Variants in PRKCQ observed in about 807,000 individuals in gnomAD.
PRKCQ encodes the protein protein kinase C theta, also known as protein kinase C theta type.
PRKCQ carries 41 observed loss-of-function variants against 91.2 expected under a neutral mutation model. The ratio of observed to expected loss-of-function variants is 0.45; its 90% CI spans 0.35 to 0.58. PRKCQ has a LOEUF of 0.58. PRKCQ is among the 20% of genes least tolerant of loss of function. PRKCQ has a pLI of 0.00. For missense variants in PRKCQ, 673 were observed against 896.5 expected (o/e 0.75, Z 3.18); for synonymous variants, 307 against 316.9 (o/e 0.97, Z 0.33).
chr10:6,416,582 A>G, the PRKCQ span, among the ~76,000 whole-genome samples: 1 of 152,208 alleles, frequency 6.6e-6, no homozygotes, highest in African/African-American at 2.4e-5. Flanking sequence ...TATGGTGTAT[A>G]TAGACCACAT....
intron 1 of PRKCQ, among the ~76,000 whole-genome samples, chr10:6,552,698 C>T (rs369460324): frequency 1.3e-5 from 2 of 152,218 alleles, no homozygotes; most frequent in African/African-American, 2.4e-5. Flanking sequence ...AACTCCTGAC[C>T]TCAAGTGATC....
Position 6,576,790 on chromosome 10 carries a change from C to T in PRKCQ, c.-10+3421G>A, listed in dbSNP as rs1040782619. ...TTAAAGCAAATGCTTGATGGTTAGA[C>T]TAATCTGGATGGTCCAACTAACCTG... On this transcript the variant is annotated intron_variant, in intron 1 of 17. Coordinates refer to ENST00000263125, the MANE Select transcript of PRKCQ (RefSeq NM_006257.5). The surrounding 1 kb of genome is among the most constrained non-coding windows in gnomAD (Gnocchi z 4.2). 1.3e-5 allele frequency among the ~76,000 whole-genome samples: 2 copies of T among 152,134 alleles called. No individual in the cohort carries two copies. Among genetic ancestry groups the T allele is most frequent in the African/African-American group, 4.8e-5 (2 of 41,424 alleles).
At chr10:6,478,949 A>G (rs1270705359) in intron 12 of PRKCQ, 43 bp downstream of exon 12, 5 of 1,602,046 alleles carry the variant, frequency 3.1e-6, no homozygotes, top group Non-Finnish European at 4.3e-6. Flanking sequence ...TCATGCTGAG[A>G]CAGGTTAGAG....
intron 12 of PRKCQ, among the ~76,000 whole-genome samples, chr10:6,471,124 C>G (rs1055701014): frequency 6.6e-6 from 1 of 151,768 alleles, no homozygotes; most frequent in African/African-American, 2.4e-5. Context: ...GTATGATCTA[C>G]AGTCAGACCA....
chr10:6,510,593 T>C (rs1459639761), intron 3 of PRKCQ, among the ~76,000 whole-genome samples: 1 of 152,206 alleles, frequency 6.6e-6, no homozygotes. Flanking sequence ...AGAGTTGTTG[T>C]TTCATAAATC....
chr10:6,503,216 T>C (rs1224512733), intron 4 of PRKCQ, among the ~76,000 whole-genome samples: 1 of 152,206 alleles, frequency 6.6e-6, no homozygotes, highest in Non-Finnish European at 1.5e-5. Flanking sequence ...TAAAGGCTAG[T>C]ACTTATTGTC....
chr10:6,423,800 T>C (rs1015457362), downstream of PRKCQ, among the ~76,000 whole-genome samples: 1 of 152,186 alleles, frequency 6.6e-6, no homozygotes, highest in South Asian at 2.1e-4. Flanking sequence ...CTGTCTAAAA[T>C]TCTTCAGGAG....
intron 1 of PRKCQ, among the ~76,000 whole-genome samples, chr10:6,570,355 A>T (rs1384943386): frequency 6.6e-6 from 1 of 152,114 alleles, no homozygotes; most frequent in Non-Finnish European, 1.5e-5. Context: ...AGGAAGGTAT[A>T]AAAGGATATA....
chr10:6,533,552 C>T (rs2130904031), intron 1 of PRKCQ, among the ~76,000 whole-genome samples: 1 of 152,260 alleles, frequency 6.6e-6, no homozygotes, highest in East Asian at 1.9e-4. Context: ...TCCACCATTA[C>T]AGTGGATCAC....
intron 1 of PRKCQ, among the ~76,000 whole-genome samples, chr10:6,549,756 G>A (rs1257395952): frequency 1.3e-5 from 2 of 149,206 alleles, no homozygotes; most frequent in Non-Finnish European, 3.0e-5. Context: ...TCAGCCTCCC[G>A]AGTAGCTGAG....
chr10:6,454,804 T>C (rs918029458), intron 15 of PRKCQ, among the ~76,000 whole-genome samples: 3 of 152,038 alleles, frequency 2.0e-5, no homozygotes, highest in Non-Finnish European at 4.4e-5. Flanking sequence ...ATGAAGTTGC[T>C]CGTGGAGGAT....
intron 8 of PRKCQ, among the ~76,000 whole-genome samples, chr10:6,490,352 A>G (rs1837216459): frequency 6.6e-6 from 1 of 152,148 alleles, no homozygotes; most frequent in Non-Finnish European, 1.5e-5. Context: ...GAGGACATAC[A>G]TTAGTCAGTA....
intron 2 of PRKCQ, 93 bp from the exon 3 acceptor site, chr10:6,511,287 C>T: frequency 8.5e-7 from 1 of 1,180,042 alleles, no homozygotes. Context: ...TCCCTCTGTT[C>T]TCTGGGATAT....
At chr10:6,557,917 A>G (rs1270635048) in intron 1 of PRKCQ, among the ~76,000 whole-genome samples, 4 of 151,940 alleles carry the variant, frequency 2.6e-5, no homozygotes, top group Non-Finnish European at 5.9e-5. Flanking sequence ...AGTCCCATGG[A>G]TTTTTCTGGT....
chr10:6,400,945 C>T, the PRKCQ span, among the ~76,000 whole-genome samples: 1 of 152,226 alleles, frequency 6.6e-6, no homozygotes, highest in Non-Finnish European at 1.5e-5. Context: ...AGCTTACTGT[C>T]TTCTGGAGAA....
At chr10:6,532,401 G>A (rs915504999) in intron 1 of PRKCQ, among the ~76,000 whole-genome samples, 1 of 152,168 alleles carries the variant, frequency 6.6e-6, no homozygotes, top group African/African-American at 2.4e-5. Context: ...AATTTGTCCT[G>A]AGCCATTCAG....
chr10:6,394,943 A>C, the PRKCQ span, among the ~76,000 whole-genome samples: 1 of 152,026 alleles, frequency 6.6e-6, no homozygotes, highest in African/African-American at 2.4e-5. Flanking sequence ...TACTGTAACC[A>C]TCCAGTGGGT....
At position 6,485,165 on chromosome 10, in the gene PRKCQ, T is replaced by C. The variant is rs1379022303; in HGVS notation, c.1005A>G (p.Thr335=). ...CAGGACAGCTACCTCTTTTTCCCGG[T>C]GTCGGTAAACATGGCGGCCTTGCTT... The part of the protein sequence containing the change: ...KNEARPPCLP[T]PGKREPQGIS... The change falls in exon 10 of 18, where the codon ACA becomes ACG. Residue 335 remains threonine (T), a synonymous_variant. Transcript: ENST00000263125. 2 of 1,613,794 alleles carry C rather than the reference T, an allele frequency of 1.2e-6. No homozygotes were observed. Among genetic ancestry groups the C allele is most frequent in the South Asian group, 1.1e-5 (1 of 91,054 alleles).
chr10:6,423,787 C>T (rs1833058410), downstream of PRKCQ, among the ~76,000 whole-genome samples: 3 of 152,160 alleles, frequency 2.0e-5, no homozygotes, highest in African/African-American at 7.2e-5. Flanking sequence ...CTGGTTTTTG[C>T]CTCTGTCTAA....
Sources: gnomAD v4.1 joint callset for allele counts (sites outside exome capture counted in the v4.1 genomes callset) on GRCh38, gnomAD v4.1.1 for gene constraint, Gnocchi (gnomAD v3.1) non-coding constraint, MANE v1.5 for transcripts, NCBI Gene and HGNC (gene_info 2026-07-23, HGNC 2026-07-21) for gene names.